Variants in CDH4 observed in about 807,000 individuals in gnomAD.
CDH4 encodes cadherin-4.
Under a neutral mutation model 86.0 loss-of-function variants are expected in CDH4, and 33 were observed. The observed-to-expected ratio is 0.38, with a 90% CI of 0.29 to 0.51. The LOEUF is 0.51. Among genes scored for constraint, CDH4 ranks in the 20% least tolerant of loss-of-function variants. CDH4 has a pLI of 0.86. For missense variants in CDH4, 1,114 were observed against 1,307.4 expected (o/e 0.85, Z 2.28); for synonymous variants, 555 against 549.4 (o/e 1.01, Z -0.14).
chr20:61,646,439 G>A (rs935080846), intron 2 of CDH4, among the ~76,000 whole-genome samples: 17 of 152,196 alleles, frequency 1.1e-4, no homozygotes, highest in East Asian at 3.9e-4. Flanking sequence ...AGTGATCACC[G>A]GCTGTGGGCA....
At chr20:61,533,047 T>C (rs2085967576) in intron 2 of CDH4, among the ~76,000 whole-genome samples, 1 of 151,880 alleles carries the variant, frequency 6.6e-6, no homozygotes, top group Admixed American at 6.6e-5. Context: ...CCAGCTGGTG[T>C]GGGGCAGGGG....
intron 3 of CDH4, among the ~76,000 whole-genome samples, chr20:61,749,193 T>C (rs1017952722): frequency 1.3e-5 from 2 of 152,202 alleles, no homozygotes; most frequent in East Asian, 1.9e-4. Flanking sequence ...TAAATTTGTG[T>C]GCACTTAATA....
intron 2 of CDH4, among the ~76,000 whole-genome samples, chr20:61,454,883 G>T (rs532020540): frequency 3.3e-5 from 5 of 152,218 alleles, no homozygotes; most frequent in African/African-American, 1.2e-4. Context: ...TTGAAGGGTG[G>T]GTTCCGTGAC....
intron 2 of CDH4, among the ~76,000 whole-genome samples, chr20:61,644,944 C>T (rs1480042423): frequency 3.9e-5 from 6 of 152,172 alleles, no homozygotes; most frequent in Non-Finnish European, 5.9e-5. Flanking sequence ...CCCCGTCAGC[C>T]GACTCCAGAC....
chr20:61,545,797 T>C (rs762344232), intron 2 of CDH4, among the ~76,000 whole-genome samples: 1 of 148,616 alleles, frequency 6.7e-6, no homozygotes, highest in Non-Finnish European at 1.5e-5. Flanking sequence ...GTTTGGGGGG[T>C]ATGTGGGATA....
chr20:61,764,903 G>A (rs761856228), intron 3 of CDH4, among the ~76,000 whole-genome samples: 3 of 152,248 alleles, frequency 2.0e-5, no homozygotes, highest in South Asian at 2.1e-4. Flanking sequence ...TTCTGCTGCT[G>A]CCGCCTCCGT....
intron 2 of CDH4, among the ~76,000 whole-genome samples, chr20:61,631,570 G>A (rs572492621): frequency 5.3e-5 from 8 of 152,256 alleles, no homozygotes; most frequent in African/African-American, 1.4e-4. Flanking sequence ...GCTTAACCTC[G>A]GGGGCAGAGG....
chr20:61,896,052 C>T (rs1245859462), intron 8 of CDH4, among the ~76,000 whole-genome samples: 3 of 152,222 alleles, frequency 2.0e-5, no homozygotes, highest in African/African-American at 7.2e-5. Flanking sequence ...CCCCTTCTCC[C>T]CCAGGCCTAG....
intron 10 of CDH4, 72 bp downstream of exon 10, chr20:61,923,776 C>G: frequency 1.3e-6 from 2 of 1,540,910 alleles, no homozygotes; most frequent in South Asian, 2.4e-5. Context: ...CCAGAAATAC[C>G]CCATGAAACC....
rs6061418 is a variant in CDH4, at chr20:61,440,121, G to A, written c.169+185184G>A. On this transcript the variant is annotated intron_variant, in intron 2 of 15. Transcript: ENST00000614565. ...TGCAGGATTTCATGAAGATGCCTGC[G>A]CTATCTTCATCATGAAGATGAAACT... 7.9e-5 allele frequency among the ~76,000 whole-genome samples: 12 copies of A among 152,320 alleles called. 1 individual carries two copies. Among genetic ancestry groups the A allele is most frequent in the South Asian group, 4.1e-4 (2 of 4,822 alleles).
At chr20:61,840,645 A>G (rs980417422) in intron 4 of CDH4, among the ~76,000 whole-genome samples, 2 of 152,112 alleles carry the variant, frequency 1.3e-5, no homozygotes, top group Non-Finnish European at 2.9e-5. Context: ...GGCGCACTGG[A>G]GGCGCCTGTC....
chr20:61,558,471 G>A lies in CDH4; in HGVS notation c.170-185092G>A, dbSNP rs193082762. Reference sequence around the variant, plus strand: ...TATTTCTAATGCAAAGGGGATAGAAGAGGATTTTGTAGCTCTCTGGGGCTA... The same window carrying A: ...TATTTCTAATGCAAAGGGGATAGAAAAGGATTTTGTAGCTCTCTGGGGCTA... On this transcript the variant is annotated intron_variant, in intron 2 of 15. Coordinates refer to ENST00000614565, the MANE Select transcript of CDH4 (RefSeq NM_001794.5). Among the ~76,000 whole-genome samples the A allele has an allele frequency of 5.0e-3, 768 of 152,314 alleles. 13 individuals are homozygous for A. Among genetic ancestry groups the A allele is most frequent in the African/African-American group, 0.018 (732 of 41,568 alleles).
chr20:61,383,763 GA>G (rs1389624753), intron 2 of CDH4, among the ~76,000 whole-genome samples: 1 of 69,262 alleles, frequency 1.4e-5, no homozygotes, highest in African/African-American at 8.1e-5. Context: ...GCATATATAT[GA>G]AGATATATAT....
chr20:61,283,948 G>T (rs1338088927), intron 2 of CDH4, among the ~76,000 whole-genome samples: 1 of 152,162 alleles, frequency 6.6e-6, no homozygotes, highest in African/African-American at 2.4e-5. Flanking sequence ...AAGTGGACAG[G>T]TGTGAGGTGG....
At chr20:61,640,865 C>T (rs2086999859) in intron 2 of CDH4, among the ~76,000 whole-genome samples, 1 of 152,172 alleles carries the variant, frequency 6.6e-6, no homozygotes, top group Non-Finnish European at 1.5e-5. Flanking sequence ...TTCTTGGTTC[C>T]GTTTCTGCTA....
At chr20:61,926,468 T>TAGCTGTGC (rs377020903) in intron 11 of CDH4, among the ~76,000 whole-genome samples, 102 of 152,266 alleles carry the variant, frequency 6.7e-4, no homozygotes, top group African/African-American at 1.6e-3. Context: ...CCGGGCTGTG[T>TAGCTGTGC]AGCTGTGCAG....
intron 2 of CDH4, among the ~76,000 whole-genome samples, chr20:61,262,865 CCTCTCTCCCTTG>C (rs966815483): frequency 6.8e-6 from 1 of 146,440 alleles, no homozygotes; most frequent in African/African-American, 2.5e-5. Context: ...TTCCTTCCAC[CCTCTCTCCCTTG>C]CTCTCTCCCT....
intron 2 of CDH4, among the ~76,000 whole-genome samples, chr20:61,332,055 T>G (rs1005158069): frequency 1.3e-5 from 2 of 152,208 alleles, no homozygotes; most frequent in African/African-American, 4.8e-5. Flanking sequence ...AAGGTATCTC[T>G]GAGTGGACAG....
chr20:61,340,504 A>G (rs2084644337), intron 2 of CDH4, among the ~76,000 whole-genome samples: 1 of 152,206 alleles, frequency 6.6e-6, no homozygotes, highest in Non-Finnish European at 1.5e-5. Context: ...GATTTGTGTA[A>G]AGTTAAGCAT....
Sources: gnomAD v4.1 joint callset for allele counts (sites outside exome capture counted in the v4.1 genomes callset) on GRCh38, gnomAD v4.1.1 for gene constraint, MANE v1.5 for transcripts, NCBI Gene and HGNC (gene_info 2026-07-23, HGNC 2026-07-21) for gene names.